TRMO: variants seen among roughly 807,000 people sequenced by gnomAD.
The protein encoded by TRMO is tRNA methyltransferase O.
Under a neutral mutation model 37.2 loss-of-function variants are expected in TRMO, and 30 were observed. The observed-to-expected ratio is 0.81, with a 90% CI of 0.60 to 1.09. The LOEUF is 1.09. Ranked by LOEUF, TRMO falls within the 50% of genes least tolerant of loss-of-function variation. The probability of loss-of-function intolerance (pLI) is 0.00; values close to 1 mark genes in which losing one functional copy is unlikely to be tolerated. For synonymous variants in TRMO, 239 were observed against 199.4 expected, an observed-to-expected ratio of 1.20 and a Z score of -1.67; for missense variants, 552 against 549.5, an observed-to-expected ratio of 1.00 and a Z score of -0.05.
chr9:97,913,628 G>C lies in TRMO; in HGVS notation c.252-70C>G, dbSNP rs536666153. Reference sequence around the variant, plus strand: ...ACAAGTTATTTTACCACAATGATCTGATGGGGAAAAAAATGCAATCTCCCA... The same window carrying C: ...ACAAGTTATTTTACCACAATGATCTCATGGGGAAAAAAATGCAATCTCCCA... On this transcript the variant is annotated intron_variant, in intron 2 of 4. Transcript: ENST00000375119. The C allele has an allele frequency of 2.8e-6, 3 of 1,056,924 alleles. No individual in the cohort carries two copies. The African/African-American group carries it at 4.8e-5, about 17-fold the overall frequency. 65.5% of individuals were successfully genotyped at this position (1,056,924 alleles called of 1,614,324 possible). A position where few individuals can be genotyped will look rare whatever the true frequency, so the allele number is the denominator to read the frequency against.
chr9:97,899,429 C>CAAATTTAT, the TRMO span, among the ~76,000 whole-genome samples: 199 of 105,604 alleles, frequency 1.9e-3, 1 homozygote, highest in African/African-American at 0.012. Context: ...TTTTTATGTA[C>CAAATTTAT]GTATTTATTT....
In TRMO at chr9:97,916,180, G is replaced by C; in HGVS notation, c.235C>G (p.Gln79Glu). 2 of 1,609,434 alleles carry C rather than the reference G, an allele frequency of 1.2e-6. No individual in the cohort carries two copies. Among genetic ancestry groups the C allele is most frequent in the Non-Finnish European group, 1.7e-6 (2 of 1,178,216 alleles). The change falls in exon 2 of 5, where the codon CAG becomes GAG. Residue 79 changes from glutamine to glutamate, a missense_variant. Physicochemically the swap from Gln to Glu is conservative, Grantham distance 29 (BLOSUM62 2). Transcript: ENST00000375119. ...NPEHSLMGLE[Q>E]FSHVWILFVF... is the part of the protein sequence containing the mutation. ...GCAACTTACCAAACATGAGAAAACT[G>C]TTCTAGGCCCATCAAGGAATGTTCA...
intron 1 of TRMO, among the ~76,000 whole-genome samples, chr9:97,918,477 T>G (rs138294025): frequency 6.6e-6 from 1 of 152,286 alleles, no homozygotes; most frequent in African/African-American, 2.4e-5. Flanking sequence ...AGTCCAAGGT[T>G]TCCATGGCTA....
chr9:97,897,022 T>A, the TRMO span, among the ~76,000 whole-genome samples: 1 of 152,230 alleles, frequency 6.6e-6, no homozygotes, highest in Non-Finnish European at 1.5e-5. Context: ...TAGCATATTT[T>A]TGTTTATGCT....
chr9:97,910,492 T>A lies in TRMO; in HGVS notation c.534A>T (p.Leu178Phe). 1 of 1,614,204 alleles carries A rather than the reference T, an allele frequency of 6.2e-7. No individual in the cohort carries two copies. Among genetic ancestry groups the A allele is most frequent in the East Asian group, 2.2e-5 (1 of 44,890 alleles). ...TGTTTGGTGTATGTTGGTTATTCTG[T>A]AAATTAAAGTCTGCTAAAGGCTCCA... ...NVMEPLADFN[L>F]QNNQHTPNTV... The change falls in exon 4 of 5, where the codon TTA becomes TTT. Residue 178 changes from leucine (L) to phenylalanine (F), a missense_variant. Leu to Phe is a conservative substitution (Grantham distance 22). Coordinates refer to ENST00000375119, the MANE Select transcript of TRMO (RefSeq NM_016481.5).
chr9:97,921,334 T>C (rs746326720), intron 1 of TRMO, among the ~76,000 whole-genome samples: 2 of 152,230 alleles, frequency 1.3e-5, no homozygotes, highest in Non-Finnish European at 2.9e-5. Flanking sequence ...GGCAGGTGGA[T>C]TGCTTAAGCC....
chr9:97,910,571 G>GCTT lies in TRMO; in HGVS notation c.454_455insAAG (p.Pro152delinsGlnAla). The GCTT allele has an allele frequency of 6.2e-7, 1 of 1,613,958 alleles. No individual in the cohort carries two copies. The highest frequency in any genetic ancestry group is 1.7e-5 in the Admixed American group (1 of 60,026). ...TATGTAGGGCTTGATGTCTAGTACGGGTGTGCCATGTATCATGTCAATTCC... is the reference window on the plus strand; with the variant it reads ...TATGTAGGGCTTGATGTCTAGTACGGCTTGTGTGCCATGTATCATGTCAATTCC... On this transcript the variant is annotated protein_altering_variant, in exon 4 of 5. Transcript: ENST00000375119.
chr9:97,911,069 C>G (rs1423745778), intron 3 of TRMO: 1 of 375,688 alleles, frequency 2.7e-6, no homozygotes, highest in African/African-American at 2.1e-5. Flanking sequence ...CTCAGTATAT[C>G]TCTGTGGGAC....
At chr9:97,905,184 C>A (rs1408291237) in intron 4 of TRMO, among the ~76,000 whole-genome samples, 192 bp from the exon 5 acceptor site, 1 of 152,124 alleles carries the variant, frequency 6.6e-6, no homozygotes, top group Non-Finnish European at 1.5e-5. Context: ...AACTTGTACA[C>A]CCCCAAATTT....
the TRMO span, among the ~76,000 whole-genome samples, chr9:97,898,773 G>A: frequency 9.3e-5 from 14 of 150,916 alleles, no homozygotes; most frequent in East Asian, 1.2e-3. Flanking sequence ...TCTCCATCAC[G>A]GAGGTAGGGC....
intron 1 of TRMO, among the ~76,000 whole-genome samples, chr9:97,917,934 G>A (rs942111043): frequency 2.0e-5 from 3 of 148,128 alleles, no homozygotes; most frequent in African/African-American, 5.0e-5. Flanking sequence ...TGCCCATCTC[G>A]GCCTCTCAAA....
rs1383295211 is a variant in TRMO at position 97,910,325 on chromosome 9, T to C, written c.701A>G (p.His234Arg). The part of the protein sequence containing the change: ...DRTSEENYLT[H>R]SDTARIQQAF... ...TTGCTGAATTCTGGCTGTGTCACTGTGTGTCAGGTAGTTTTCTTCTGAAGT... is the reference window on the plus strand; with the variant it reads ...TTGCTGAATTCTGGCTGTGTCACTGCGTGTCAGGTAGTTTTCTTCTGAAGT... The change falls in exon 4 of 5, where the codon CAC becomes CGC. Residue 234 changes from histidine to arginine, a missense_variant. By Grantham distance (29) the His-to-Arg change is conservative. Transcript: ENST00000375119. 6.2e-7 allele frequency: 1 copy of C among 1,614,228 alleles called. No individual in the cohort carries two copies. Among genetic ancestry groups the C allele is most frequent in the Non-Finnish European group, 8.5e-7 (1 of 1,180,034 alleles).
chr9:97,904,374 C>A, downstream of TRMO: 1 of 542,420 alleles, frequency 1.8e-6, no homozygotes, highest in Non-Finnish European at 2.4e-6. Flanking sequence ...ACAGGAAAAC[C>A]AATATGAATT....
At chr9:97,900,990 T>A (rs1289696515), downstream of TRMO, among the ~76,000 whole-genome samples, 2 of 151,912 alleles carry the variant, frequency 1.3e-5, no homozygotes, top group Admixed American at 1.3e-4. Flanking sequence ...TAAGAAAAAA[T>A]TAATAAATGC....
At chr9:97,914,759 T>A (rs1458171922) in intron 2 of TRMO, among the ~76,000 whole-genome samples, 1 of 152,198 alleles carries the variant, frequency 6.6e-6, no homozygotes, top group Admixed American at 6.5e-5. Flanking sequence ...CATACTTTTT[T>A]AAAAAAAGCA....
intron 4 of TRMO, among the ~76,000 whole-genome samples, chr9:97,907,664 G>A (rs951557022): frequency 1.3e-5 from 2 of 152,072 alleles, no homozygotes; most frequent in African/African-American, 4.8e-5. Flanking sequence ...CCTGCTCTCT[G>A]GGGATACGGA....
At position 97,904,589 on chromosome 9, in the gene TRMO, A is replaced by G; in HGVS notation, c.*144T>C. The G allele has an allele frequency of 6.7e-7, 1 of 1,489,900 alleles. No homozygotes were observed. The allele number at this position is 1,489,900 out of a possible 1,614,324, so 92.3% of individuals were successfully genotyped here. A position where few individuals can be genotyped will look rare whatever the true frequency, so the allele number is the denominator to read the frequency against. On this transcript the variant is annotated 3_prime_UTR_variant, in exon 5 of 5. Coordinates refer to ENST00000375119, the MANE Select transcript of TRMO (RefSeq NM_016481.5). ...AGTTTATTAATGTATACGTTTTTCAAATAAACATTTTGAACAGCCCAAATC... is the reference window on the plus strand; with the variant it reads ...AGTTTATTAATGTATACGTTTTTCAGATAAACATTTTGAACAGCCCAAATC...
intron 1 of TRMO, among the ~76,000 whole-genome samples, chr9:97,921,943 T>G (rs1315841955): frequency 6.6e-6 from 1 of 152,160 alleles, no homozygotes; most frequent in Non-Finnish European, 1.5e-5. Context: ...TATTCCTCTA[T>G]GAAAACGTGT....
the TRMO span, among the ~76,000 whole-genome samples, chr9:97,897,389 ATC>A: frequency 3.9e-5 from 6 of 152,132 alleles, no homozygotes; most frequent in Non-Finnish European, 5.9e-5. Flanking sequence ...TTACCCACCA[ATC>A]TCTGTCATGT....
Sources: gnomAD v4.1 joint callset for allele counts (sites outside exome capture counted in the v4.1 genomes callset) on GRCh38, gnomAD v4.1.1 for gene constraint, MANE v1.5 for transcripts, NCBI Gene and HGNC (gene_info 2026-07-23, HGNC 2026-07-21) for gene names.